Variants in LRRC4C observed in about 807,000 individuals in gnomAD.
LRRC4C encodes the protein leucine rich repeat containing 4C.
LRRC4C carries 5 observed loss-of-function variants against 33.6 expected under a neutral mutation model. That is an observed-to-expected ratio of 0.15 (90% CI 0.08 to 0.31). The LOEUF (loss-of-function observed/expected upper bound fraction) is 0.31. Ranked by LOEUF, LRRC4C falls within the 10% of genes least tolerant of loss-of-function variation. LRRC4C has a pLI of 1.00. For missense variants in LRRC4C, 560 were observed against 796.7 expected, an observed-to-expected ratio of 0.70 and a Z score of 3.58; for synonymous variants, 329 against 302.0, an observed-to-expected ratio of 1.09 and a Z score of -0.93.
intron 1 of LRRC4C, among the ~76,000 whole-genome samples, chr11:41,346,135 G>A (rs754759104): frequency 5.3e-5 from 8 of 152,092 alleles, no homozygotes; most frequent in East Asian, 1.9e-4. Flanking sequence ...CAGGCCCCAA[G>A]GGAGTTTTCA....
At chr11:40,369,013 G>A (rs1352230869) in intron 3 of LRRC4C, among the ~76,000 whole-genome samples, 2 of 152,154 alleles carry the variant, frequency 1.3e-5, no homozygotes, top group East Asian at 3.9e-4. Flanking sequence ...TGGTTAATGA[G>A]ATAACAAGAT....
At chr11:40,916,615 T>G in intron 2 of LRRC4C, among the ~76,000 whole-genome samples, 1 of 151,926 alleles carries the variant, frequency 6.6e-6, no homozygotes, top group East Asian at 1.9e-4. Context: ...AGTTAATGGG[T>G]TCAGCACACC....
At chr11:40,476,654 T>C (rs1030106065) in intron 3 of LRRC4C, among the ~76,000 whole-genome samples, 1 of 152,156 alleles carries the variant, frequency 6.6e-6, no homozygotes, top group Admixed American at 6.5e-5. Flanking sequence ...AAGTGCACAA[T>C]TTTCTTAAAC....
chr11:40,987,675 G>GATATAT lies in LRRC4C; in HGVS notation c.-495-53958_-495-53953dup, dbSNP rs200421544. Among the ~76,000 whole-genome samples the GATATAT allele has an allele frequency of 1.3e-3, 86 of 65,956 alleles. 4 individuals carry two copies. Among genetic ancestry groups the GATATAT allele is most frequent in the South Asian group, 0.011 (23 of 2,060 alleles). 43.3% of individuals were successfully genotyped at this position (65,956 alleles called of 152,430 possible). The stretch of plus-strand genomic sequence containing the variant: ...TATCTCATATATATGAGATATAAAT[G>GATATAT]ATATATATATATATATCTCATATAT... On this transcript the variant is annotated intron_variant, in intron 1 of 6. Coordinates refer to ENST00000528697, the MANE Select transcript of LRRC4C (RefSeq NM_001258419.2).
intron 5 of LRRC4C, among the ~76,000 whole-genome samples, chr11:40,216,991 T>A (rs1254181064): frequency 6.6e-6 from 1 of 152,164 alleles, no homozygotes; most frequent in Non-Finnish European, 1.5e-5. Context: ...TCCTTTAAGC[T>A]CATTAATAAT....
chr11:40,760,907 T>C (rs1473626323), intron 2 of LRRC4C, among the ~76,000 whole-genome samples: 1 of 147,496 alleles, frequency 6.8e-6, no homozygotes, highest in Non-Finnish European at 1.5e-5. Flanking sequence ...ATATATTATA[T>C]ATTTTTTTTG....
At chr11:40,175,220 A>G (rs1590619332) in intron 5 of LRRC4C, among the ~76,000 whole-genome samples, 1 of 152,254 alleles carries the variant, frequency 6.6e-6, no homozygotes, top group South Asian at 2.1e-4. Context: ...GAAAGGACTT[A>G]ATGTCACTGA....
chr11:41,298,678 G>A (rs1389730313), intron 1 of LRRC4C, among the ~76,000 whole-genome samples: 1 of 152,148 alleles, frequency 6.6e-6, no homozygotes, highest in South Asian at 2.1e-4. Flanking sequence ...GGGTGCAAGT[G>A]CAGTTTTTTT....
At chr11:41,067,551 G>T (rs559601658) in intron 1 of LRRC4C, among the ~76,000 whole-genome samples, 1 of 152,264 alleles carries the variant, frequency 6.6e-6, no homozygotes, top group East Asian at 1.9e-4. Context: ...ACTCAGCCCT[G>T]GATCAAGTGG....
At chr11:40,506,964 A>G (rs1955065035) in intron 3 of LRRC4C, among the ~76,000 whole-genome samples, 1 of 152,134 alleles carries the variant, frequency 6.6e-6, no homozygotes, top group Non-Finnish European at 1.5e-5. Context: ...CATAAAACAT[A>G]CAGGGTAAGT....
chr11:41,363,694 C>T (rs902799154), intron 1 of LRRC4C, among the ~76,000 whole-genome samples: 2 of 152,250 alleles, frequency 1.3e-5, no homozygotes, highest in African/African-American at 4.8e-5. Context: ...TATTTTTTGG[C>T]ATTCCTTGAT....
At chr11:40,684,433 A>G (rs74461193) in intron 2 of LRRC4C, among the ~76,000 whole-genome samples, 10,747 of 152,076 alleles carry the variant, frequency 0.071, 1,287 homozygotes, top group African/African-American at 0.24. Context: ...CTCATAATCA[A>G]TCACATTGAG....
intron 1 of LRRC4C, among the ~76,000 whole-genome samples, chr11:41,385,093 T>C (rs2137931856): frequency 6.6e-6 from 1 of 151,120 alleles, no homozygotes; most frequent in Admixed American, 6.6e-5. Flanking sequence ...ATAGATATAA[T>C]ATAGAGAGAT....
intron 1 of LRRC4C, among the ~76,000 whole-genome samples, chr11:41,246,589 A>G (rs1213491057): frequency 1.3e-5 from 2 of 152,160 alleles, no homozygotes; most frequent in Admixed American, 6.5e-5. Flanking sequence ...TCTGTGGAGC[A>G]TGCAGCCCCA....
chr11:40,760,002 A>T (rs938090578), intron 2 of LRRC4C, among the ~76,000 whole-genome samples: 1 of 151,438 alleles, frequency 6.6e-6, no homozygotes. Flanking sequence ...TTCGGTTTTG[A>T]CCAATCCCTG....
At chr11:40,633,348 T>C (rs1294058286) in intron 3 of LRRC4C, among the ~76,000 whole-genome samples, 2 of 43,702 alleles carry the variant, frequency 4.6e-5, no homozygotes, top group African/African-American at 2.0e-4. Context: ...TTTCTTTCTT[T>C]CTTTCTTTCT....
At chr11:41,170,694 G>A (rs1369296944) in intron 1 of LRRC4C, among the ~76,000 whole-genome samples, 1 of 152,076 alleles carries the variant, frequency 6.6e-6, no homozygotes, top group Non-Finnish European at 1.5e-5. Context: ...CATAGGCATG[G>A]GCAAGGACTT....
Position 40,648,139 on chromosome 11 carries a change from T to C in LRRC4C, c.-270+3A>G, listed in dbSNP as rs1196553409. Reference sequence around the variant, plus strand: ...AATGGAAAAAATTATACCTCTCACTTACCTGTAGCAAATTGTTCATGGACC... The same window carrying C: ...AATGGAAAAAATTATACCTCTCACTCACCTGTAGCAAATTGTTCATGGACC... On this transcript the variant is annotated splice_donor_region_variant and intron_variant, in intron 3 of 6. Coordinates refer to ENST00000528697, the MANE Select transcript of LRRC4C (RefSeq NM_001258419.2). 1 of 152,202 alleles carries C rather than the reference T, an allele frequency of 6.6e-6. No homozygotes were observed. Among genetic ancestry groups the C allele is most frequent in the Non-Finnish European group, 1.5e-5 (1 of 68,030 alleles). The allele number at this position is 152,202 out of a possible 1,614,324, so 9.4% of individuals were successfully genotyped here. A position where few individuals can be genotyped will look rare whatever the true frequency, so the allele number is the denominator to read the frequency against.
chr11:40,977,473 C>T (rs375991143), intron 1 of LRRC4C, among the ~76,000 whole-genome samples: 1 of 152,090 alleles, frequency 6.6e-6, no homozygotes, highest in African/African-American at 2.4e-5. Flanking sequence ...ATTTATAAGT[C>T]ATTTTCCAAG....
Sources: gnomAD v4.1 joint callset for allele counts (sites outside exome capture counted in the v4.1 genomes callset) on GRCh38, gnomAD v4.1.1 for gene constraint, MANE v1.5 for transcripts, NCBI Gene and HGNC (gene_info 2026-07-23, HGNC 2026-07-21) for gene names.